The following ALG10B variants were observed in gnomAD, a reference collection of about 807,000 sequenced individuals.
ALG10B encodes dol-P-Glc:Glc(2)Man(9)GlcNAc(2)-PP-Dol alpha-1,2-glucosyltransferase B.
In ALG10B, 27 loss-of-function variants were observed where a neutral mutation model predicts 38.7. The ratio of observed to expected loss-of-function variants is 0.70; its 90% confidence interval spans 0.51 to 0.96. The LOEUF (loss-of-function observed/expected upper bound fraction) is 0.96, where lower values mean the gene tolerates loss of function less well. Among genes scored for constraint, ALG10B ranks in the 40% least tolerant of loss-of-function variants. The pLI, the probability that ALG10B is intolerant of heterozygous loss-of-function variation, is 0.00. For missense variants in ALG10B, 522 were observed against 542.7 expected (o/e 0.96, Z 0.38); for synonymous variants, 177 against 193.3 (o/e 0.92, Z 0.70).
rs2120528469 is a variant in ALG10B, at chr12:38,329,198, A to G, written c.*7985A>G. ...CTAATTTTGCCTCTTCCACAGGGAG[A>G]TAGATTCTCATCTACCATTGTGTCT... On this transcript the variant is annotated 3_prime_UTR_variant, in exon 3 of 3. Coordinates refer to ENST00000308742, the MANE Select transcript of ALG10B (RefSeq NM_001013620.4). 2.5e-6 allele frequency: 1 copy of G among 398,430 alleles called. No homozygotes were observed. The highest frequency in any genetic ancestry group is 1.3e-4 in the South Asian group (1 of 7,858). The allele number at this position is 398,430 out of a possible 1,614,324, so 24.7% of individuals were successfully genotyped here.
Position 38,323,053 on chromosome 12 carries a change from C to G in ALG10B, c.*1840C>G, listed in dbSNP as rs1407359927. 6.6e-6 allele frequency: 1 copy of G among 152,122 alleles called. No individual in the cohort carries two copies. Among genetic ancestry groups the G allele is most frequent in the Non-Finnish European group, 1.5e-5 (1 of 68,004 alleles). The allele number at this position is 152,122 out of a possible 1,614,324, so 9.4% of individuals were successfully genotyped here. ...TGATCGAATCACTTGGTTATTGTGA[C>G]TTGTCTGCAATGAACATAGAGTGCA... On this transcript the variant is annotated 3_prime_UTR_variant, in exon 3 of 3. Transcript: ENST00000308742.
rs1945673983 is a variant in ALG10B, at chr12:38,318,327, A to G, written c.238A>G (p.Ile80Val). 6.2e-7 allele frequency: 1 copy of G among 1,613,992 alleles called. No homozygotes were observed. The highest frequency in any genetic ancestry group is 1.3e-5 in the African/African-American group (1 of 74,912). ...GTCAGTTGGAGTGGTCAAACCTGCCATTTGGATCTTTGCATGGTCTGAACA... is the reference window on the plus strand; with the variant it reads ...GTCAGTTGGAGTGGTCAAACCTGCCGTTTGGATCTTTGCATGGTCTGAACA... ...LVSVGVVKPA[I>V]WIFAWSEHVV... The change falls in exon 2 of 3, where the codon ATT becomes GTT. Residue 80 changes from isoleucine (I) to valine (V), a missense_variant. Physicochemically the swap from Ile to Val is conservative, Grantham distance 29. Transcript: ENST00000308742.
Position 38,316,934 on chromosome 12 carries a change from G to T in ALG10B, c.41G>T (p.Ser14Ile). ...LEGYCFSAALSCTFLVSCLLF... is the reference protein window; with the variant it reads ...LEGYCFSAALICTFLVSCLLF... ...GGTTACTGTTTCTCGGCCGCCTTGAGCTGTACCTTTTTAGTGTCCTGCCTC... is the reference window on the plus strand; with the variant it reads ...GGTTACTGTTTCTCGGCCGCCTTGATCTGTACCTTTTTAGTGTCCTGCCTC... The change falls in exon 1 of 3, where the codon AGC becomes ATC. Residue 14 changes from serine (S) to isoleucine (I), a missense_variant. Transcript: ENST00000308742. The T allele has an allele frequency of 6.2e-7, 1 of 1,614,200 alleles. No individual in the cohort carries two copies.
rs906481708 is a variant in ALG10B at position 38,325,621 on chromosome 12, A to G, written c.*4408A>G. 1 of 152,218 alleles carries G rather than the reference A, an allele frequency of 6.6e-6. No individual in the cohort carries two copies. The highest frequency in any genetic ancestry group is 2.4e-5 in the African/African-American group (1 of 41,470). 9.4% of individuals were successfully genotyped at this position (152,218 alleles called of 1,614,324 possible). On this transcript the variant is annotated 3_prime_UTR_variant, in exon 3 of 3. Coordinates refer to ENST00000308742, the MANE Select transcript of ALG10B (RefSeq NM_001013620.4). The stretch of plus-strand genomic sequence containing the variant: ...AGTAAGAATTGTGATATAAATTTGA[A>G]AATTTTTAAATGGAAATTGAAATAT...
rs1202141125 is a variant in ALG10B, at chr12:38,325,645, A to T, written c.*4432A>T. ...AAAATTTTTAAATGGAAATTGAAAT[A>T]TGACTTAGGAACTGTGGGCTTGTAG... On this transcript the variant is annotated 3_prime_UTR_variant, in exon 3 of 3. Transcript: ENST00000308742. 6.6e-6 allele frequency: 1 copy of T among 152,218 alleles called. No homozygotes were observed. Among genetic ancestry groups the T allele is most frequent in the African/African-American group, 2.4e-5 (1 of 41,462 alleles). The allele number at this position is 152,218 out of a possible 1,614,324, so 9.4% of individuals were successfully genotyped here.
rs1345903741 is a variant in ALG10B at position 38,327,223 on chromosome 12, G to T, written c.*6010G>T. The T allele has an allele frequency of 2.6e-5, 4 of 150,988 alleles. No individual in the cohort carries two copies. Among genetic ancestry groups the T allele is most frequent in the Admixed American group, 2.6e-4 (4 of 15,130 alleles). 9.4% of individuals were successfully genotyped at this position (150,988 alleles called of 1,614,324 possible). On this transcript the variant is annotated 3_prime_UTR_variant, in exon 3 of 3. Transcript: ENST00000308742. Reference sequence around the variant, plus strand: ...GATCCTCCCACCTTGGCCTCCCAAAGTGCTAGGATTTACAATGAGCCACTG... The same window carrying T: ...GATCCTCCCACCTTGGCCTCCCAAATTGCTAGGATTTACAATGAGCCACTG...
At position 38,323,022 on chromosome 12, in the gene ALG10B, T is replaced by G. The variant is rs1355466773; in HGVS notation, c.*1809T>G. On this transcript the variant is annotated 3_prime_UTR_variant, in exon 3 of 3. Coordinates refer to ENST00000308742, the MANE Select transcript of ALG10B (RefSeq NM_001013620.4). ...TATCCATTCATCCATGGATGGACAC[T>G]TAGGTTGATCGAATCACTTGGTTAT... The G allele has an allele frequency of 6.6e-6, 1 of 152,182 alleles. No individual in the cohort carries two copies. The highest frequency in any genetic ancestry group is 1.5e-5 in the Non-Finnish European group (1 of 68,010). 9.4% of individuals were successfully genotyped at this position (152,182 alleles called of 1,614,324 possible).
upstream of ALG10B, chr12:38,316,725 C>A (rs1385218060): frequency 4.5e-6 from 5 of 1,117,688 alleles, no homozygotes; most frequent in South Asian, 1.3e-5. Context: ...AACAGCGACC[C>A]GCTGTTTTCC....
rs1388712535 is a variant in ALG10B at position 38,323,886 on chromosome 12, A to G, written c.*2673A>G. On this transcript the variant is annotated 3_prime_UTR_variant, in exon 3 of 3. Transcript: ENST00000308742. ...AGGGAAAGTAACTTTTTGTCTGATAATATTAATGCAAGGATTTTGTATTTA... is the reference window on the plus strand; with the variant it reads ...AGGGAAAGTAACTTTTTGTCTGATAGTATTAATGCAAGGATTTTGTATTTA... 2 of 701,764 alleles carry G rather than the reference A, an allele frequency of 2.8e-6. No homozygotes were observed. The highest frequency in any genetic ancestry group is 3.0e-5 in the South Asian group (2 of 67,342). 43.5% of individuals were successfully genotyped at this position (701,764 alleles called of 1,614,324 possible).
Position 38,320,621 on chromosome 12 carries a change from G to C in ALG10B, c.830G>C (p.Gly277Ala), listed in dbSNP as rs578064697. ...FVVVNGGIVI[G>A]DRSSHEACLH... ...GTAGTTAATGGTGGAATTGTTATTG[G>C]CGATCGGAGTAGTCATGAAGCCTGT... is the stretch of plus-strand genomic sequence containing the variant. Residue 277 changes from glycine to alanine, a missense_variant, in exon 3 of 3, where the codon GGC becomes GCC. Coordinates refer to ENST00000308742, the MANE Select transcript of ALG10B (RefSeq NM_001013620.4). The C allele has an allele frequency of 3.7e-6, 6 of 1,613,932 alleles. No homozygotes were observed.
In ALG10B at chr12:38,318,500, G is replaced by A. The variant is rs151269680; in HGVS notation, c.369+42G>A. ...TTAATTACAAGTTTATGTGTAGTCA[G>A]GTCCACAATTACAATGAATTAGTTT... is the stretch of plus-strand genomic sequence containing the variant. On this transcript the variant is annotated intron_variant, in intron 2 of 2. Transcript: ENST00000308742. 1.9e-3 allele frequency: 2,891 copies of A among 1,528,672 alleles called. 49 individuals are homozygous for A. In the African/African-American group the frequency reaches 0.035, roughly 18 times the overall value. The allele number at this position is 1,528,672 out of a possible 1,614,324, so 94.7% of individuals were successfully genotyped here.
Position 38,320,925 on chromosome 12 carries a change from A to G in ALG10B, c.1134A>G (p.Ile378Met). The G allele has an allele frequency of 6.2e-7, 1 of 1,613,740 alleles. No homozygotes were observed. The highest frequency in any genetic ancestry group is 8.5e-7 in the Non-Finnish European group (1 of 1,179,864). Residue 378 changes from isoleucine to methionine, a missense_variant, in exon 3 of 3, where the codon ATA becomes ATG. Ile to Met is a conservative substitution (Grantham distance 10). Coordinates refer to ENST00000308742, the MANE Select transcript of ALG10B (RefSeq NM_001013620.4). Reference sequence around the variant, plus strand: ...AATATTTGTTAGTTCCAGCCTATATATTTGCTGGTTGGAGTATAGCTGACT... The same window carrying G: ...AATATTTGTTAGTTCCAGCCTATATGTTTGCTGGTTGGAGTATAGCTGACT... Reference protein sequence around the residue: ...ILKYLLVPAYIFAGWSIADSL... With the variant: ...ILKYLLVPAYMFAGWSIADSL...
intron 1 of ALG10B, 28 bp downstream of exon 1, chr12:38,317,092 A>T (rs370840298): frequency 1.2e-6 from 2 of 1,613,930 alleles, no homozygotes; most frequent in East Asian, 4.5e-5. Context: ...TCCCCACCCC[A>T]GGAGAGGCCT....
At position 38,325,794 on chromosome 12, in the gene ALG10B, T is replaced by C. The variant is rs2120514934; in HGVS notation, c.*4581T>C. ...AGAATAGTATTTGTCCTAACTCTAG[T>C]CAGTGTCTGATTGGTATGTGTATAA... On this transcript the variant is annotated 3_prime_UTR_variant, in exon 3 of 3. Transcript: ENST00000308742. 6.6e-6 allele frequency: 1 copy of C among 152,308 alleles called. No homozygotes were observed. The highest frequency in any genetic ancestry group is 1.9e-4 in the East Asian group (1 of 5,188). The allele number at this position is 152,308 out of a possible 1,614,324, so 9.4% of individuals were successfully genotyped here. A position where few individuals can be genotyped will look rare whatever the true frequency, so the allele number is the denominator to read the frequency against.
chr12:38,316,780 C>G lies in ALG10B; in HGVS notation c.-114C>G. The G allele has an allele frequency of 6.4e-7, 1 of 1,569,348 alleles. No homozygotes were observed. ...ATCCTTTGCCTTCCGGTATGTGGCC[C>G]CGTCTGGCTAGTCCTGTCTAGCGCG... On this transcript the variant is annotated 5_prime_UTR_variant, in exon 1 of 3. Coordinates refer to ENST00000308742, the MANE Select transcript of ALG10B (RefSeq NM_001013620.4).
rs1435723383 is a variant in ALG10B at position 38,327,161 on chromosome 12, T to C, written c.*5948T>C. The C allele has an allele frequency of 1.3e-5, 2 of 150,210 alleles. No individual in the cohort carries two copies. Among genetic ancestry groups the C allele is most frequent in the African/African-American group, 4.9e-5 (2 of 40,906 alleles). 9.3% of individuals were successfully genotyped at this position (150,210 alleles called of 1,614,324 possible). On this transcript the variant is annotated 3_prime_UTR_variant, in exon 3 of 3. Transcript: ENST00000308742. Reference sequence around the variant, plus strand: ...TAAGAATTGAGACAGGGTGTCACTATGTTGTGTGGGCTGGTCTCAAAACAC... The same window carrying C: ...TAAGAATTGAGACAGGGTGTCACTACGTTGTGTGGGCTGGTCTCAAAACAC...
rs1259893660 is a variant in ALG10B at position 38,326,736 on chromosome 12, A to G, written c.*5523A>G. 2.0e-5 allele frequency: 3 copies of G among 151,818 alleles called. No homozygotes were observed. Among genetic ancestry groups the G allele is most frequent in the Non-Finnish European group, 4.4e-5 (3 of 67,910 alleles). The allele number at this position is 151,818 out of a possible 1,614,324, so 9.4% of individuals were successfully genotyped here. The stretch of plus-strand genomic sequence containing the variant: ...CATTTTTATGTATTTAATGTTGACA[A>G]CTGACGTTTCCAATATACAAAAACT... On this transcript the variant is annotated 3_prime_UTR_variant, in exon 3 of 3. Transcript: ENST00000308742.
Position 38,320,276 on chromosome 12 carries a change from TTG to T in ALG10B, c.486_487del (p.Ala163IlefsTer10), listed in dbSNP as rs750861524. ...GCAGGATCTATGTTTTTTACTCTTT[TTG>T]CATATTTGATGTGTCTTTATGGAAA... On this transcript the variant is annotated frameshift_variant, in exon 3 of 3. Transcript: ENST00000308742. LOFTEE classifies it high-confidence loss of function. The T allele has an allele frequency of 5.6e-6, 9 of 1,614,014 alleles. No individual in the cohort carries two copies. The South Asian group carries it at 9.9e-5, about 18-fold the overall frequency.
At position 38,328,310 on chromosome 12, in the gene ALG10B, T is replaced by G. The variant is rs1314189659; in HGVS notation, c.*7097T>G. ...CTATTTGACTCTATTACACCCTGTT[T>G]TAGAAAAACATTTGAGTTATACAAC... On this transcript the variant is annotated 3_prime_UTR_variant, in exon 3 of 3. Coordinates refer to ENST00000308742, the MANE Select transcript of ALG10B (RefSeq NM_001013620.4). The G allele has an allele frequency of 1.3e-5, 2 of 152,162 alleles. No homozygotes were observed. The highest frequency in any genetic ancestry group is 2.4e-5 in the African/African-American group (1 of 41,440). 9.4% of individuals were successfully genotyped at this position (152,162 alleles called of 1,614,324 possible). A position where few individuals can be genotyped will look rare whatever the true frequency, so the allele number is the denominator to read the frequency against.
Sources: allele counts gnomAD v4.1 joint callset, GRCh38; gene constraint gnomAD v4.1.1; transcripts MANE v1.5; gene names NCBI Gene and HGNC (gene_info 2026-07-23, HGNC 2026-07-21).